Variants in GRM7 observed in about 807,000 individuals in gnomAD.
The protein encoded by GRM7 is metabotropic glutamate receptor 7.
Under a neutral mutation model 84.5 loss-of-function variants are expected in GRM7, and 35 were observed. The observed-to-expected ratio is 0.41, with a 90% confidence interval of 0.32 to 0.55. The LOEUF (loss-of-function observed/expected upper bound fraction) is 0.55, where lower values mean the gene tolerates loss of function less well. GRM7 is among the 20% of genes least tolerant of loss of function. GRM7 has a pLI of 0.19. For synonymous variants in GRM7, 487 were observed against 455.1 expected (o/e 1.07, Z -0.89); for missense variants, 1,003 against 1,194.6 (o/e 0.84, Z 2.36).
At chr3:7,182,484 A>T (rs941094375) in intron 2 of GRM7, among the ~76,000 whole-genome samples, 1 of 152,096 alleles carries the variant, frequency 6.6e-6, no homozygotes, top group Non-Finnish European at 1.5e-5. Context: ...CCTTTCTCTC[A>T]ATAATAAAGG....
At position 7,486,741 on chromosome 3, in the gene GRM7, C is replaced by A. The variant is rs557975123; in HGVS notation, c.1515+25019C>A. 1.3e-5 allele frequency among the ~76,000 whole-genome samples: 2 copies of A among 152,134 alleles called. No homozygotes were observed. Among genetic ancestry groups the A allele is most frequent in the Non-Finnish European group, 2.9e-5 (2 of 68,038 alleles). On this transcript the variant is annotated intron_variant, in intron 7 of 9. Coordinates refer to ENST00000357716, the MANE Select transcript of GRM7 (RefSeq NM_000844.4). The surrounding 1 kb of genome is among the most constrained non-coding windows in gnomAD (Gnocchi z 5.5). ...AGGCTGTTTTTTAAAATAATTTATGCAGCCTCAGGTATTCTACTACAGCAA... is the reference window on the plus strand; with the variant it reads ...AGGCTGTTTTTTAAAATAATTTATGAAGCCTCAGGTATTCTACTACAGCAA...
chr3:7,516,476 C>CAAAAAAAAAAAAAAAAAAAAAAAAA (rs34508559), intron 7 of GRM7, among the ~76,000 whole-genome samples: 2 of 42,472 alleles, frequency 4.7e-5, no homozygotes, highest in South Asian at 1.4e-3. Context: ...GACTCCCTCT[C>CAAAAAAAAAAAAAAAAAAAAAAAAA]AAAAAAAAAA....
chr3:7,493,139 G>A (rs1163344767), intron 7 of GRM7, among the ~76,000 whole-genome samples: 1 of 151,964 alleles, frequency 6.6e-6, no homozygotes, highest in Non-Finnish European at 1.5e-5. Flanking sequence ...AAATGTGTAT[G>A]TTTCTCTTAT....
intron 1 of GRM7, among the ~76,000 whole-genome samples, chr3:7,061,877 G>A (rs904124970): frequency 9.9e-5 from 15 of 151,704 alleles, no homozygotes; most frequent in Admixed American, 3.3e-4. Context: ...TAAGTGCTGG[G>A]ATTTGAACCA....
intron 8 of GRM7, among the ~76,000 whole-genome samples, chr3:7,623,727 C>T (rs1453792574): frequency 6.6e-6 from 1 of 152,136 alleles, no homozygotes; most frequent in Non-Finnish European, 1.5e-5. Flanking sequence ...TAGTTATCAA[C>T]TTGCCAGCAT....
intron 7 of GRM7, among the ~76,000 whole-genome samples, chr3:7,463,656 A>G (rs1422556359): frequency 3.9e-5 from 6 of 152,126 alleles, no homozygotes; most frequent in African/African-American, 1.4e-4. Flanking sequence ...TAGAAAAGGA[A>G]GGACCTACTA....
intron 2 of GRM7, among the ~76,000 whole-genome samples, chr3:7,251,718 C>T (rs886304331): frequency 2.6e-5 from 4 of 152,082 alleles, no homozygotes; most frequent in Admixed American, 2.6e-4. Context: ...ATATTCAGTC[C>T]ACTCTGTGAA....
At chr3:7,171,565 T>C (rs1289332508) in intron 2 of GRM7, among the ~76,000 whole-genome samples, 1 of 152,206 alleles carries the variant, frequency 6.6e-6, no homozygotes, top group Non-Finnish European at 1.5e-5. Flanking sequence ...CAGTGATGTC[T>C]ATCTGCATAA....
intron 7 of GRM7, among the ~76,000 whole-genome samples, chr3:7,552,391 A>G (rs1229682393): frequency 1.3e-5 from 2 of 152,206 alleles, no homozygotes; most frequent in Non-Finnish European, 2.9e-5. Flanking sequence ...GGGCTCTGGA[A>G]GACAGCGATC....
At chr3:7,564,623 A>C (rs1694176366) in intron 7 of GRM7, among the ~76,000 whole-genome samples, 1 of 152,164 alleles carries the variant, frequency 6.6e-6, no homozygotes, top group Non-Finnish European at 1.5e-5. Flanking sequence ...CTTTGCATGA[A>C]ATGTATTGAC....
intron 1 of GRM7, among the ~76,000 whole-genome samples, chr3:7,064,678 G>C (rs1012071566): frequency 6.6e-6 from 1 of 150,730 alleles, no homozygotes; most frequent in Non-Finnish European, 1.5e-5. Flanking sequence ...TATCTTTTTC[G>C]AATAGTGTCT....
Position 6,862,026 on chromosome 3 carries a change from G to A in GRM7, c.519+119G>A. 1.2e-6 allele frequency: 1 copy of A among 803,168 alleles called. No homozygotes were observed. The highest frequency in any genetic ancestry group is 1.9e-6 in the Non-Finnish European group (1 of 514,346). 49.8% of individuals were successfully genotyped at this position (803,168 alleles called of 1,614,324 possible). On this transcript the variant is annotated intron_variant, in intron 1 of 9. Transcript: ENST00000357716. This position sits in a 1 kb window ranked among gnomAD's most constrained non-coding sequence, Gnocchi z 5.2. ...TCAGCCTTCGCTCATTTCCTCCCTG[G>A]AGATCCTGCCGAATCCCTCCCACCC...
chr3:7,361,955 C>T (rs1354027393), intron 4 of GRM7, among the ~76,000 whole-genome samples: 2 of 152,066 alleles, frequency 1.3e-5, no homozygotes, highest in African/African-American at 2.4e-5. Flanking sequence ...GGGATAATTT[C>T]TGCCGATTCT....
intron 1 of GRM7, among the ~76,000 whole-genome samples, chr3:7,101,599 A>G (rs916140633): frequency 6.6e-6 from 1 of 151,028 alleles, no homozygotes; most frequent in Non-Finnish European, 1.5e-5. Flanking sequence ...TTATTAGTAT[A>G]TTTATTCTAT....
intron 7 of GRM7, among the ~76,000 whole-genome samples, chr3:7,497,887 A>T (rs1210622827): frequency 6.6e-6 from 1 of 152,202 alleles, no homozygotes; most frequent in Non-Finnish European, 1.5e-5. Flanking sequence ...TAAAGATCAT[A>T]TATTTAAAAT....
intron 5 of GRM7, among the ~76,000 whole-genome samples, chr3:7,424,581 A>G (rs908696564): frequency 1.3e-5 from 2 of 152,198 alleles, no homozygotes; most frequent in Non-Finnish European, 2.9e-5. Flanking sequence ...CTGAGAGTAT[A>G]GCTACCAACG....
intron 4 of GRM7, among the ~76,000 whole-genome samples, chr3:7,325,282 G>A (rs1459294594): frequency 6.6e-6 from 1 of 152,146 alleles, no homozygotes; most frequent in Non-Finnish European, 1.5e-5. Context: ...TACCTAAAGG[G>A]AATTATTTTG....
intron 4 of GRM7, among the ~76,000 whole-genome samples, chr3:7,333,266 C>T (rs1034620220): frequency 5.3e-5 from 8 of 152,208 alleles, no homozygotes; most frequent in African/African-American, 1.7e-4. Flanking sequence ...CCTGCTACCT[C>T]CACCTGAGCA....
At chr3:7,599,560 T>A (rs1255519150) in intron 8 of GRM7, among the ~76,000 whole-genome samples, 1 of 152,162 alleles carries the variant, frequency 6.6e-6, no homozygotes, top group African/African-American at 2.4e-5. Flanking sequence ...GAGCTTGACA[T>A]AGGGACATCT....
Sources: allele counts gnomAD v4.1 joint callset (sites outside exome capture counted in the v4.1 genomes callset), GRCh38; gene constraint gnomAD v4.1.1; non-coding constraint Gnocchi (gnomAD v3.1); transcripts MANE v1.5; gene names NCBI Gene and HGNC (gene_info 2026-07-23, HGNC 2026-07-21).